The following SECISBP2 variants were observed in gnomAD, a reference collection of about 807,000 sequenced individuals.
SECISBP2 encodes selenocysteine insertion sequence-binding protein 2.
A neutral mutation model predicts 98.2 loss-of-function variants in SECISBP2; 96 were observed. That is an observed-to-expected ratio of 0.98 (90% CI 0.83 to 1.16). SECISBP2 has a LOEUF of 1.16. Among genes scored for constraint, SECISBP2 ranks in the 50% most tolerant of loss-of-function variants. The pLI, the probability that SECISBP2 is intolerant of heterozygous loss-of-function variation, is 0.00. For missense variants in SECISBP2, 1,046 were observed against 1,022.9 expected (o/e 1.02, Z -0.31); for synonymous variants, 407 against 370.2 (o/e 1.10, Z -1.14).
chr9:89,359,032 ATCT>A lies in SECISBP2; in HGVS notation c.*212_*214del, dbSNP rs1832537859. 3 of 575,688 alleles carry A rather than the reference ATCT, an allele frequency of 5.2e-6. No individual in the cohort carries two copies. The highest frequency in any genetic ancestry group is 9.3e-6 in the Non-Finnish European group (3 of 323,962). The allele number at this position is 575,688 out of a possible 1,614,324, so 35.7% of individuals were successfully genotyped here. ...AGGTCACTCAGATGTGCAGGTGTTA[ATCT>A]TCTCTAAAAGCCTGGTGATACAGCT... is the stretch of plus-strand genomic sequence containing the variant. On this transcript the variant is annotated 3_prime_UTR_variant, in exon 17 of 17. Coordinates refer to ENST00000375807, the MANE Select transcript of SECISBP2 (RefSeq NM_024077.5).
chr9:89,363,455 A>G (rs752013590), downstream of SECISBP2: 5 of 1,613,736 alleles, frequency 3.1e-6, no homozygotes, highest in Middle Eastern at 1.6e-4. Flanking sequence ...GCTCTGCATC[A>G]TCCGGTCGTG....
chr9:89,358,104 G>A lies in SECISBP2; in HGVS notation c.2374G>A (p.Ala792Thr). The A allele has an allele frequency of 1.2e-6, 2 of 1,613,776 alleles. No homozygotes were observed. Among genetic ancestry groups the A allele is most frequent in the Non-Finnish European group, 1.7e-6 (2 of 1,179,954 alleles). Residue 792 changes from alanine (A) to threonine (T), a missense_variant, in exon 16 of 17, where the codon GCA (alanine) becomes ACA (threonine). Ala to Thr is a moderately conservative substitution (Grantham distance 58, BLOSUM62 0). Transcript: ENST00000375807. ...GCTGGTGGGAGAGCCCAGGCCTCAG[G>A]CACCTCCCAGCCTACCCACACAGGG... ...QELVGEPRPQ[A>T]PPSLPTQGPS...
intron 1 of SECISBP2, chr9:89,318,974 C>G: frequency 9.2e-7 from 1 of 1,087,390 alleles, no homozygotes; most frequent in Non-Finnish European, 1.1e-6. Context: ...TTTTTCTGAA[C>G]GTCATTCTCC....
At chr9:89,320,418 A>G (rs1026871697) in intron 2 of SECISBP2, among the ~76,000 whole-genome samples, 1 of 152,018 alleles carries the variant, frequency 6.6e-6, no homozygotes, top group Admixed American at 6.6e-5. Context: ...TGGTTTAAAA[A>G]TATATCATAT....
At chr9:89,354,094 C>T (rs542130489) in intron 14 of SECISBP2, among the ~76,000 whole-genome samples, 2 of 152,234 alleles carry the variant, frequency 1.3e-5, no homozygotes, top group African/African-American at 4.8e-5. Context: ...CTGAGCCTAG[C>T]ATCTTGCTTG....
At chr9:89,325,315 A>G in intron 2 of SECISBP2, 112 bp from the exon 3 acceptor site, 2 of 980,734 alleles carry the variant, frequency 2.0e-6, no homozygotes, top group South Asian at 1.4e-5. Flanking sequence ...TTCCAGTGCT[A>G]GAGTGAATGG....
intron 14 of SECISBP2, among the ~76,000 whole-genome samples, chr9:89,355,958 G>A (rs1370040592): frequency 6.6e-6 from 1 of 152,186 alleles, no homozygotes; most frequent in African/African-American, 2.4e-5. Context: ...ACCTGACCAT[G>A]TTAGCCTGAC....
At chr9:89,345,055 A>AT (rs1272098990) in intron 10 of SECISBP2, among the ~76,000 whole-genome samples, 2 of 152,182 alleles carry the variant, frequency 1.3e-5, no homozygotes, top group Admixed American at 1.3e-4. Context: ...CTAGCAACAA[A>AT]TTCTCATGGT....
At chr9:89,364,079 T>C (rs981370420), downstream of SECISBP2, 13 of 1,571,256 alleles carry the variant, frequency 8.3e-6, no homozygotes, top group Non-Finnish European at 8.6e-6. Context: ...AACTTCCAAT[T>C]CAGTCCCTGG....
chr9:89,335,620 C>T (rs375562991), intron 7 of SECISBP2, among the ~76,000 whole-genome samples: 9 of 152,272 alleles, frequency 5.9e-5, no homozygotes, highest in African/African-American at 1.2e-4. Context: ...CGTGAGCCAC[C>T]GTGCCTGGCC....
At chr9:89,351,606 C>T (rs1448341328) in intron 14 of SECISBP2, among the ~76,000 whole-genome samples, 1 of 152,166 alleles carries the variant, frequency 6.6e-6, no homozygotes, top group Non-Finnish European at 1.5e-5. Flanking sequence ...TACGGAGTCC[C>T]ACTTTGAGAT....
At position 89,341,725 on chromosome 9, in the gene SECISBP2, T is replaced by C. The variant is rs534534044; in HGVS notation, c.1435+246T>C. Among the ~76,000 whole-genome samples, 6 of 152,326 alleles carry C rather than the reference T, an allele frequency of 3.9e-5. No individual in the cohort carries two copies. In the East Asian group the frequency reaches 1.2e-3, roughly 29 times the overall value. ...AGAACAAAGAACAGTCTCTTTAAAA[T>C]GGTATTAGAACATCTAGATTTCCAC... On this transcript the variant is annotated intron_variant, in intron 10 of 16. Transcript: ENST00000375807.
chr9:89,352,016 A>G (rs1382409060), intron 14 of SECISBP2, among the ~76,000 whole-genome samples: 2 of 152,130 alleles, frequency 1.3e-5, no homozygotes, highest in Non-Finnish European at 2.9e-5. Context: ...TATTTCCTCC[A>G]TATCTCCATG....
intron 6 of SECISBP2, 152 bp downstream of exon 6, chr9:89,333,138 G>A (rs1828033711): frequency 1.4e-6 from 1 of 702,408 alleles, no homozygotes; most frequent in African/African-American, 1.8e-5. Flanking sequence ...AGTTTAGAAA[G>A]TTAAGTAGAT....
At chr9:89,319,031 T>G (rs2131494754) in intron 1 of SECISBP2, 7 of 1,019,794 alleles carry the variant, frequency 6.9e-6, no homozygotes, top group Non-Finnish European at 8.2e-6. Flanking sequence ...TGGCGATCGC[T>G]TGCATCATTT....
chr9:89,333,302 T>G (rs79233554), intron 6 of SECISBP2, among the ~76,000 whole-genome samples: 1 of 152,238 alleles, frequency 6.6e-6, no homozygotes, highest in East Asian at 1.9e-4. Context: ...CTTTAAAGAT[T>G]GAGAACCCCA....
At chr9:89,338,319 A>T in intron 7 of SECISBP2, 139 bp from the exon 8 acceptor site, 1 of 943,148 alleles carries the variant, frequency 1.1e-6, no homozygotes, top group Non-Finnish European at 1.5e-6. Flanking sequence ...TTTAAAAAAC[A>T]GGGGATGAGG....
downstream of SECISBP2, chr9:89,363,956 GAC>G: frequency 6.2e-7 from 1 of 1,614,026 alleles, no homozygotes; most frequent in Non-Finnish European, 8.5e-7. Flanking sequence ...AGGACCTGGG[GAC>G]ACAGACCGTT....
downstream of SECISBP2, chr9:89,363,446 C>G: frequency 6.2e-7 from 1 of 1,613,770 alleles, no homozygotes; most frequent in Non-Finnish European, 8.5e-7. Context: ...CTTCCTCCAG[C>G]TCTGCATCAT....
Sources: gnomAD v4.1 joint callset for allele counts (sites outside exome capture counted in the v4.1 genomes callset) on GRCh38, gnomAD v4.1.1 for gene constraint, MANE v1.5 for transcripts, NCBI Gene and HGNC (gene_info 2026-07-23, HGNC 2026-07-21) for gene names.